ERC2: variants seen among roughly 807,000 people sequenced by gnomAD.
The protein encoded by ERC2 is ERC protein 2.
A neutral mutation model predicts 114.8 loss-of-function variants in ERC2; 42 were observed. The ratio of observed to expected loss-of-function variants is 0.37; its 90% CI spans 0.29 to 0.47. The LOEUF is 0.47. ERC2 is among the 20% of genes least tolerant of loss of function. The probability of loss-of-function intolerance (pLI) is 0.99; values close to 1 mark genes in which losing one functional copy is unlikely to be tolerated. For missense variants in ERC2, 939 were observed against 1,150.7 expected, an observed-to-expected ratio of 0.82 and a Z score of 2.66; for synonymous variants, 454 against 425.5, an observed-to-expected ratio of 1.07 and a Z score of -0.82.
At chr3:55,925,106 G>C (rs1461371317) in intron 13 of ERC2, among the ~76,000 whole-genome samples, 2 of 152,132 alleles carry the variant, frequency 1.3e-5, no homozygotes, top group Non-Finnish European at 2.9e-5. Context: ...AAGAAACAAA[G>C]AGCAGGATAT....
intron 14 of ERC2, among the ~76,000 whole-genome samples, chr3:55,833,517 G>T (rs1443660767): frequency 1.4e-3 from 206 of 152,130 alleles, no homozygotes; most frequent in African/African-American, 4.0e-3. Context: ...CTAAGCTTCA[G>T]AAGTGAAGGA....
intron 14 of ERC2, among the ~76,000 whole-genome samples, chr3:55,848,380 G>A (rs1237408336): frequency 1.3e-5 from 2 of 151,992 alleles, no homozygotes; most frequent in Non-Finnish European, 2.9e-5. Flanking sequence ...TTGGGCCATC[G>A]CCTAAGCCTC....
intron 14 of ERC2, among the ~76,000 whole-genome samples, chr3:55,886,410 C>T (rs2063348360): frequency 6.6e-6 from 1 of 152,130 alleles, no homozygotes; most frequent in South Asian, 2.1e-4. Flanking sequence ...TTTCTCTATT[C>T]TTATATAAAT....
At chr3:55,724,321 G>A (rs2064775812) in intron 15 of ERC2, among the ~76,000 whole-genome samples, 1 of 152,160 alleles carries the variant, frequency 6.6e-6, no homozygotes, top group South Asian at 2.1e-4. Flanking sequence ...CAGGAGGGGT[G>A]GGGAGTGGTT....
At chr3:55,821,674 T>C (rs2060129490) in intron 14 of ERC2, among the ~76,000 whole-genome samples, 1 of 152,224 alleles carries the variant, frequency 6.6e-6, no homozygotes. Flanking sequence ...CATGCAAATG[T>C]CTCACAGGGA....
At chr3:55,832,183 G>A (rs1189928955) in intron 14 of ERC2, among the ~76,000 whole-genome samples, 3 of 152,192 alleles carry the variant, frequency 2.0e-5, no homozygotes, top group East Asian at 1.9e-4. Flanking sequence ...GGCAGGGCAC[G>A]GACAAACAAA....
At chr3:55,636,060 G>C (rs1420815904) in intron 17 of ERC2, among the ~76,000 whole-genome samples, 1 of 151,600 alleles carries the variant, frequency 6.6e-6, no homozygotes, top group African/African-American at 2.4e-5. Flanking sequence ...ATCTTTAGTA[G>C]AGGCGGGGTT....
chr3:56,092,681 G>C (rs2077858837), intron 6 of ERC2, among the ~76,000 whole-genome samples: 1 of 152,052 alleles, frequency 6.6e-6, no homozygotes, highest in Non-Finnish European at 1.5e-5. Context: ...TTTGCAACAT[G>C]ATGATAGTTA....
chr3:56,434,128 A>C, intron 2 of ERC2: 45 of 469,876 alleles, frequency 9.6e-5, no homozygotes, highest in Non-Finnish European at 8.4e-5. Flanking sequence ...CCCTCTCCCC[A>C]TCTGCAACCA....
intron 7 of ERC2, among the ~76,000 whole-genome samples, chr3:56,039,274 T>A (rs2149652495): frequency 6.6e-6 from 1 of 152,208 alleles, no homozygotes; most frequent in South Asian, 2.1e-4. Flanking sequence ...AAAAAAGTGT[T>A]CAAACTAATA....
chr3:55,736,565 C>T (rs951110709), intron 14 of ERC2, among the ~76,000 whole-genome samples: 5 of 152,124 alleles, frequency 3.3e-5, no homozygotes, highest in Middle Eastern at 3.2e-3. Context: ...CTAGACTTGA[C>T]GCTCCATGAA....
intron 17 of ERC2, among the ~76,000 whole-genome samples, chr3:55,617,060 C>T (rs924184371): frequency 2.0e-5 from 3 of 152,174 alleles, no homozygotes; most frequent in Admixed American, 2.0e-4. Context: ...ATTGCAAAAA[C>T]CCAAGACCCA....
At chr3:56,438,951 T>C (rs1233032890) in intron 1 of ERC2, among the ~76,000 whole-genome samples, 1 of 152,224 alleles carries the variant, frequency 6.6e-6, no homozygotes, top group Non-Finnish European at 1.5e-5. Context: ...GTTTGAAATA[T>C]TGTTTCCTTA....
chr3:55,967,843 T>C (rs2068860167), intron 12 of ERC2, among the ~76,000 whole-genome samples: 1 of 152,194 alleles, frequency 6.6e-6, no homozygotes, highest in Non-Finnish European at 1.5e-5. Flanking sequence ...TCTGTTGTAC[T>C]CTCTTGCCCT....
At chr3:56,228,119 G>A (rs946382924) in intron 3 of ERC2, among the ~76,000 whole-genome samples, 1 of 152,178 alleles carries the variant, frequency 6.6e-6, no homozygotes, top group Admixed American at 6.6e-5. Context: ...ATAGTGGTCT[G>A]CTGGGGACAG....
At chr3:56,293,786 C>T (rs1057007288) in intron 3 of ERC2, among the ~76,000 whole-genome samples, 2 of 152,136 alleles carry the variant, frequency 1.3e-5, no homozygotes, top group African/African-American at 2.4e-5. Flanking sequence ...TATATCCACA[C>T]CAGACCATTG....
At chr3:55,919,403 A>G (rs2065285720) in intron 13 of ERC2, among the ~76,000 whole-genome samples, 1 of 152,162 alleles carries the variant, frequency 6.6e-6, no homozygotes, top group Non-Finnish European at 1.5e-5. Flanking sequence ...AAAAAGTATG[A>G]TGCCAATGGA....
At chr3:56,297,483 A>G (rs751237011) in intron 2 of ERC2, among the ~76,000 whole-genome samples, 15 of 152,230 alleles carry the variant, frequency 9.9e-5, no homozygotes, top group Non-Finnish European at 2.1e-4. Context: ...CAAAATAGTT[A>G]TCAGATGTGA....
intron 13 of ERC2, among the ~76,000 whole-genome samples, chr3:55,901,597 T>C (rs547159175): frequency 6.6e-6 from 1 of 152,298 alleles, no homozygotes; most frequent in South Asian, 2.1e-4. Flanking sequence ...CTCTCCTTCT[T>C]CTGTAAAAGC....
Sources: allele counts gnomAD v4.1 joint callset (sites outside exome capture counted in the v4.1 genomes callset), GRCh38; gene constraint gnomAD v4.1.1; transcripts MANE v1.5; gene names NCBI Gene and HGNC (gene_info 2026-07-23, HGNC 2026-07-21).